NEGR1: variants seen among roughly 807,000 people sequenced by gnomAD.
NEGR1 encodes the protein neuronal growth regulator 1.
Under a neutral mutation model 40.9 loss-of-function variants are expected in NEGR1, and 10 were observed. The observed-to-expected ratio is 0.24, with a 90% CI of 0.15 to 0.42. The LOEUF (loss-of-function observed/expected upper bound fraction) is 0.42, where lower values mean the gene tolerates loss of function less well. Among genes scored for constraint, NEGR1 ranks in the 10% least tolerant of loss-of-function variants. The pLI is 1.00. For missense variants in NEGR1, 352 were observed against 438.9 expected (o/e 0.80, Z 1.77); for synonymous variants, 185 against 166.8 (o/e 1.11, Z -0.84).
intron 4 of NEGR1, among the ~76,000 whole-genome samples, chr1:71,624,345 T>A (rs1358217265): frequency 6.6e-6 from 1 of 151,982 alleles, no homozygotes; most frequent in Non-Finnish European, 1.5e-5. Flanking sequence ...TAATTGGTCT[T>A]CCTGGTTTTG....
chr1:72,056,400 G>A (rs1447618352), intron 1 of NEGR1, among the ~76,000 whole-genome samples: 1 of 151,390 alleles, frequency 6.6e-6, no homozygotes, highest in African/African-American at 2.4e-5. Context: ...GAATCAAAGA[G>A]AGATTCCTGG....
intron 2 of NEGR1, among the ~76,000 whole-genome samples, chr1:71,910,304 A>C (rs1661391352): frequency 6.6e-6 from 1 of 152,190 alleles, no homozygotes; most frequent in African/African-American, 2.4e-5. Context: ...TGGACAATTA[A>C]AAACTGGAAT....
chr1:71,540,518 T>C (rs572601193), intron 6 of NEGR1, among the ~76,000 whole-genome samples: 5 of 151,904 alleles, frequency 3.3e-5, no homozygotes, highest in African/African-American at 1.2e-4. Flanking sequence ...TAGTTATTGC[T>C]TCTGATTTTT....
intron 1 of NEGR1, among the ~76,000 whole-genome samples, chr1:71,953,114 G>A (rs1204170993): frequency 1.3e-5 from 2 of 151,938 alleles, no homozygotes; most frequent in African/African-American, 2.4e-5. Context: ...TGCAGCTCAT[G>A]ATCAAGGAGT....
chr1:71,745,038 C>T (rs1655339366), intron 3 of NEGR1, among the ~76,000 whole-genome samples: 2 of 152,160 alleles, frequency 1.3e-5, no homozygotes, highest in African/African-American at 4.8e-5. Flanking sequence ...CTGTGACTCT[C>T]TGGACTAAGG....
intron 6 of NEGR1, among the ~76,000 whole-genome samples, chr1:71,527,736 C>CT (rs35521162): frequency 0.092 from 13,432 of 146,360 alleles, 677 homozygotes; most frequent in African/African-American, 0.13. Context: ...GACAATTGGA[C>CT]TTTTTTTTTT....
chr1:72,050,187 T>C (rs926136389), intron 1 of NEGR1, among the ~76,000 whole-genome samples: 1 of 151,684 alleles, frequency 6.6e-6, no homozygotes, highest in African/African-American at 2.4e-5. Context: ...TAAAGTTAAA[T>C]TTAATGATGA....
At chr1:71,558,962 C>T (rs935088078) in intron 6 of NEGR1, among the ~76,000 whole-genome samples, 1 of 146,590 alleles carries the variant, frequency 6.8e-6, no homozygotes, top group Non-Finnish European at 1.5e-5. Flanking sequence ...TGTATGTATA[C>T]CAGTGCATGT....
At position 71,401,186 on chromosome 1, in the gene NEGR1, T is replaced by G. The variant is rs1419941562; in HGVS notation, c.*6260A>C. 6.6e-6 allele frequency: 1 copy of G among 152,182 alleles called. No individual in the cohort carries two copies. Among genetic ancestry groups the G allele is most frequent in the African/African-American group, 2.4e-5 (1 of 41,436 alleles). 9.4% of individuals were successfully genotyped at this position (152,182 alleles called of 1,614,324 possible). ...TATATTTGAACTCTTTTTCAAGTTG[T>G]AAATAAATAATACTAAGGCAAAATA... On this transcript the variant is annotated 3_prime_UTR_variant, in exon 7 of 7. Coordinates refer to ENST00000357731, the MANE Select transcript of NEGR1 (RefSeq NM_173808.3).
intron 1 of NEGR1, among the ~76,000 whole-genome samples, chr1:72,002,809 T>G (rs1646569461): frequency 6.6e-6 from 1 of 152,178 alleles, no homozygotes; most frequent in Admixed American, 6.5e-5. Context: ...CACCAAGGAA[T>G]TTACCACATA....
intron 1 of NEGR1, among the ~76,000 whole-genome samples, chr1:72,212,324 T>C (rs1653640476): frequency 6.6e-6 from 1 of 151,954 alleles, no homozygotes. Flanking sequence ...TTTGTAATCA[T>C]TTTTTCTGTC....
At chr1:71,774,484 C>G (rs545225466) in intron 3 of NEGR1, among the ~76,000 whole-genome samples, 57 of 152,158 alleles carry the variant, frequency 3.7e-4, no homozygotes, top group Admixed American at 2.2e-3. Context: ...AATACCAATA[C>G]TAAGCATGTG....
chr1:72,166,832 T>C (rs1407914676), intron 1 of NEGR1, among the ~76,000 whole-genome samples: 2 of 152,106 alleles, frequency 1.3e-5, no homozygotes, highest in East Asian at 3.9e-4. Flanking sequence ...CATAATATCA[T>C]AGTGTATCCT....
intron 1 of NEGR1, among the ~76,000 whole-genome samples, chr1:72,227,124 G>A (rs1365105616): frequency 6.6e-6 from 1 of 152,020 alleles, no homozygotes; most frequent in Non-Finnish European, 1.5e-5. Context: ...TGCATTTAAT[G>A]TCTTTGAATC....
intron 4 of NEGR1, among the ~76,000 whole-genome samples, chr1:71,688,309 C>CATATAT (rs373700339): frequency 0.06 from 2,470 of 41,142 alleles, 203 homozygotes; most frequent in East Asian, 0.13. Flanking sequence ...TTTCCCTTTT[C>CATATAT]ATATATATAT....
chr1:72,203,885 TAGCAATAA>T (rs1653302111), intron 1 of NEGR1, among the ~76,000 whole-genome samples: 1 of 152,142 alleles, frequency 6.6e-6, no homozygotes, highest in African/African-American at 2.4e-5. Flanking sequence ...AGCATCTTTT[TAGCAATAA>T]AGCAATTAAT....
At chr1:71,842,273 T>C (rs762839367) in intron 2 of NEGR1, among the ~76,000 whole-genome samples, 1 of 152,142 alleles carries the variant, frequency 6.6e-6, no homozygotes, top group African/African-American at 2.4e-5. Context: ...GTTATGAAAG[T>C]GTCTTCCCTG....
chr1:71,805,323 G>A (rs1366581014), intron 2 of NEGR1, among the ~76,000 whole-genome samples: 2 of 151,992 alleles, frequency 1.3e-5, no homozygotes, highest in Non-Finnish European at 2.9e-5. Context: ...CATCCTATTT[G>A]TACACTCCCT....
At chr1:71,747,060 T>A in intron 3 of NEGR1, among the ~76,000 whole-genome samples, 1 of 152,124 alleles carries the variant, frequency 6.6e-6, no homozygotes, top group Middle Eastern at 3.2e-3. Context: ...AACAATTAAA[T>A]TGAGTGTAGG....
Sources: allele counts gnomAD v4.1 joint callset (sites outside exome capture counted in the v4.1 genomes callset), GRCh38; gene constraint gnomAD v4.1.1; transcripts MANE v1.5; gene names NCBI Gene and HGNC (gene_info 2026-07-23, HGNC 2026-07-21).